KSR2: variants seen among roughly 807,000 people sequenced by gnomAD.
KSR2 encodes the protein kinase suppressor of ras 2.
In KSR2, 25 loss-of-function variants were observed where a neutral mutation model predicts 107.8. That is an observed-to-expected ratio of 0.23 (90% CI 0.17 to 0.32). KSR2 has a LOEUF of 0.32. KSR2 is among the 10% of genes least tolerant of loss of function. KSR2 has a pLI of 1.00. For missense variants in KSR2, 887 were observed against 1,268.9 expected (o/e 0.70, Z 4.57); for synonymous variants, 480 against 507.0 (o/e 0.95, Z 0.71).
intron 19 of KSR2, among the ~76,000 whole-genome samples, 166 bp from the exon 20 acceptor site, chr12:117,467,371 T>C (rs900923360): frequency 1.1e-4 from 17 of 152,222 alleles, no homozygotes; most frequent in African/African-American, 4.1e-4. Flanking sequence ...GTTCTTACTA[T>C]ATGCTGGGCT....
chr12:117,893,167 A>G (rs1296837132), intron 1 of KSR2, among the ~76,000 whole-genome samples: 1 of 151,834 alleles, frequency 6.6e-6, no homozygotes, highest in African/African-American at 2.4e-5. Flanking sequence ...ACAGGTGCAT[A>G]CCACCATGTC....
chr12:117,847,763 G>C (rs1892755871), intron 3 of KSR2, among the ~76,000 whole-genome samples: 2 of 152,256 alleles, frequency 1.3e-5, no homozygotes, highest in East Asian at 3.9e-4. Context: ...CACCCATACT[G>C]TTCTCTCTGT....
chr12:117,943,445 G>A (rs1896070634), intron 1 of KSR2, among the ~76,000 whole-genome samples: 2 of 147,320 alleles, frequency 1.4e-5, no homozygotes, highest in South Asian at 2.2e-4. Flanking sequence ...CTGAACCTGG[G>A]GACATTAGTT....
chr12:117,615,338 C>T (rs1416284219), intron 5 of KSR2, among the ~76,000 whole-genome samples: 1 of 151,890 alleles, frequency 6.6e-6, no homozygotes, highest in Non-Finnish European at 1.5e-5. Flanking sequence ...TAAATCTTGC[C>T]CATTAGCTCA....
At position 117,712,267 on chromosome 12, in the gene KSR2, T is replaced by A. The variant is rs577861850; in HGVS notation, c.987-44609A>T. On this transcript the variant is annotated intron_variant, in intron 4 of 19. Transcript: ENST00000339824. ...CACGCTCCTCTCAAGGGGGTAGACT[T>A]CTCTGAAGCCTTGGCTTTGGGAAGT... 5.9e-5 allele frequency among the ~76,000 whole-genome samples: 9 copies of A among 152,300 alleles called. No homozygotes were observed. The South Asian group carries it at 1.9e-3, about 32-fold the overall frequency.
At chr12:117,825,049 G>A (rs1206044433) in intron 3 of KSR2, among the ~76,000 whole-genome samples, 1 of 151,766 alleles carries the variant, frequency 6.6e-6, no homozygotes, top group African/African-American at 2.4e-5. Context: ...AGGCATAGTG[G>A]CACACACCTG....
chr12:117,785,045 A>C (rs774704917), intron 3 of KSR2, among the ~76,000 whole-genome samples: 8 of 152,238 alleles, frequency 5.3e-5, no homozygotes, highest in East Asian at 1.9e-4. Context: ...AAAAATATTC[A>C]AAATCTCCAG....
chr12:117,767,667 C>T (rs1889287911), intron 3 of KSR2, among the ~76,000 whole-genome samples: 1 of 145,502 alleles, frequency 6.9e-6, no homozygotes, highest in Non-Finnish European at 1.5e-5. Context: ...CGCGTGTAGT[C>T]CCAGCTACTC....
chr12:117,943,332 T>C (rs80299438), intron 1 of KSR2, among the ~76,000 whole-genome samples: 2,329 of 152,010 alleles, frequency 0.015, 41 homozygotes, highest in South Asian at 0.062. Context: ...CCCACTCAAA[T>C]ACGTTTAAGA....
chr12:117,548,972 G>A (rs371350661), intron 9 of KSR2, among the ~76,000 whole-genome samples: 2 of 152,114 alleles, frequency 1.3e-5, no homozygotes, highest in African/African-American at 4.8e-5. Context: ...AAATAAATGT[G>A]AGCCCCAGTA....
chr12:117,678,244 C>T (rs954593432), intron 4 of KSR2, among the ~76,000 whole-genome samples: 23 of 151,990 alleles, frequency 1.5e-4, no homozygotes, highest in Admixed American at 1.2e-3. Flanking sequence ...GCCACCGCAC[C>T]GGGCCAGTAT....
chr12:117,709,639 A>G (rs1886674598), intron 4 of KSR2, among the ~76,000 whole-genome samples: 1 of 152,196 alleles, frequency 6.6e-6, no homozygotes, highest in African/African-American at 2.4e-5. Context: ...TATCTACTTC[A>G]GTGCACCAGG....
chr12:117,944,193 A>G (rs1288252306), intron 1 of KSR2, among the ~76,000 whole-genome samples: 3 of 151,982 alleles, frequency 2.0e-5, no homozygotes, highest in East Asian at 1.9e-4. Context: ...CCTGACCAAC[A>G]TGGAGAAAGC....
intron 5 of KSR2, among the ~76,000 whole-genome samples, chr12:117,641,050 A>G (rs149317572): frequency 4.5e-4 from 69 of 152,266 alleles, no homozygotes; most frequent in Middle Eastern, 3.4e-3. Flanking sequence ...GCTTAAAACA[A>G]TGGAAACGCA....
intron 3 of KSR2, among the ~76,000 whole-genome samples, chr12:117,818,788 G>A (rs1421810692): frequency 6.6e-6 from 1 of 152,160 alleles, no homozygotes; most frequent in East Asian, 1.9e-4. Flanking sequence ...CCCAGCTGCA[G>A]GTGCAAGGAT....
chr12:117,886,227 T>C (rs1490349735), intron 1 of KSR2, among the ~76,000 whole-genome samples: 1 of 150,054 alleles, frequency 6.7e-6, no homozygotes, highest in Non-Finnish European at 1.5e-5. Flanking sequence ...AATATATTTA[T>C]GTAAATGTAT....
chr12:117,539,616 T>C (rs1876321576), intron 10 of KSR2, 103 bp downstream of exon 10: 1 of 1,172,514 alleles, frequency 8.5e-7, no homozygotes, highest in Non-Finnish European at 1.2e-6. Flanking sequence ...TTCGCTTTCC[T>C]GCAGAGACTT....
intron 4 of KSR2, among the ~76,000 whole-genome samples, chr12:117,669,355 A>G (rs1204794044): frequency 3.9e-5 from 6 of 152,200 alleles, no homozygotes; most frequent in African/African-American, 1.4e-4. Context: ...GGCTGAGAAT[A>G]ACTACGCCCT....
Position 117,761,517 on chromosome 12 carries a change from G to A in KSR2, c.480C>T (p.Asn160=), listed in dbSNP as rs1296205067. Residue 160 remains asparagine, a synonymous_variant, in exon 4 of 20, where the codon AAC becomes AAT. Transcript: ENST00000339824. ...CLRNVHMSGG[N]LSKQDWTIQW... is the part of the protein sequence containing the mutation. ...GGATGGTCCAGTCTTGTTTGGAAAG[G>A]TTGCCTCCTGAGTTGGAACAGAAGA... 1.2e-6 allele frequency: 2 copies of A among 1,613,326 alleles called. No individual in the cohort carries two copies. Among genetic ancestry groups the A allele is most frequent in the African/African-American group, 1.3e-5 (1 of 74,862 alleles).
Sources: gnomAD v4.1 joint callset for allele counts (sites outside exome capture counted in the v4.1 genomes callset) on GRCh38, gnomAD v4.1.1 for gene constraint, MANE v1.5 for transcripts, NCBI Gene and HGNC (gene_info 2026-07-23, HGNC 2026-07-21) for gene names.